SCGB3A2: variants seen among roughly 807,000 people sequenced by gnomAD.
The protein encoded by SCGB3A2 is secretoglobin family 3A member 2, also known as pneumo secretory protein 1.
Under a neutral mutation model 7.7 loss-of-function variants are expected in SCGB3A2, and 5 were observed. The ratio of observed to expected loss-of-function variants is 0.65; its 90% CI spans 0.34 to 1.36. SCGB3A2 has a LOEUF of 1.36. Ranked by LOEUF, SCGB3A2 falls within the 40% of genes most tolerant of loss-of-function variation. The pLI is 0.04. For missense variants in SCGB3A2, 109 were observed against 103.6 expected (o/e 1.05, Z -0.23); for synonymous variants, 44 against 42.7 (o/e 1.03, Z -0.12).
At chr5:147,879,512 C>T (rs17625286) in intron 1 of SCGB3A2, among the ~76,000 whole-genome samples, 10,048 of 152,236 alleles carry the variant, frequency 0.066, 638 homozygotes, top group Admixed American at 0.21. Context: ...CTACTGTAAA[C>T]GTACTGTGAG....
rs528234985 is a variant in SCGB3A2, at chr5:147,880,270, C to T, written c.56-1176C>T. Among the ~76,000 whole-genome samples the T allele has an allele frequency of 3.2e-3, 493 of 152,226 alleles. 3 individuals carry two copies. Among genetic ancestry groups the T allele is most frequent in the African/African-American group, 0.011 (450 of 41,522 alleles). Reference sequence around the variant, plus strand: ...CATTCATCTTCTACGGGAAAGTTATCTTCCTAAAGCCAAAGATATAAAACG... The same window carrying T: ...CATTCATCTTCTACGGGAAAGTTATTTTCCTAAAGCCAAAGATATAAAACG... On this transcript the variant is annotated intron_variant, in intron 1 of 2. Transcript: ENST00000296694.
rs1387066679 is a variant in SCGB3A2 at position 147,882,075 on chromosome 5, A to G, written c.*25A>G. The G allele has an allele frequency of 4.3e-6, 7 of 1,612,522 alleles. No individual in the cohort carries two copies. Among genetic ancestry groups the G allele is most frequent in the South Asian group, 3.3e-5 (3 of 91,026 alleles). On this transcript the variant is annotated 3_prime_UTR_variant, in exon 3 of 3. Transcript: ENST00000296694. ...ACATCAAGATAAAGAGCGGAGGTGG[A>G]TGGGGATGGAAGATGATGCTCCTAT... is the stretch of plus-strand genomic sequence containing the variant.
intron 1 of SCGB3A2, among the ~76,000 whole-genome samples, chr5:147,879,153 G>A (rs991851799): frequency 2.0e-5 from 3 of 152,134 alleles, no homozygotes; most frequent in Non-Finnish European, 2.9e-5. Flanking sequence ...CAACTTCCAC[G>A]GAGGGTCAAC....
At chr5:147,881,997 T>C in intron 2 of SCGB3A2, 30 bp from the exon 3 acceptor site, 1 of 1,612,392 alleles carries the variant, frequency 6.2e-7, no homozygotes, top group Non-Finnish European at 8.5e-7. Flanking sequence ...TGTAAGCTGC[T>C]CTAAATTTTG....
rs77923676 is a variant in SCGB3A2 at position 147,879,491 on chromosome 5, A to G, written c.55+633A>G. Among the ~76,000 whole-genome samples the G allele has an allele frequency of 1.9e-3, 289 of 152,324 alleles. 3 individuals carry two copies. The East Asian group carries it at 0.047, about 25-fold the overall frequency. ...AGATAGGGCTTCTGCCTAAGTTACT[A>G]TAATTCTAGACTACTGTAAACGTAC... On this transcript the variant is annotated intron_variant, in intron 1 of 2. Coordinates refer to ENST00000296694, the MANE Select transcript of SCGB3A2 (RefSeq NM_054023.5).
At chr5:147,881,940 C>A in intron 2 of SCGB3A2, 87 bp from the exon 3 acceptor site, 1 of 1,435,332 alleles carries the variant, frequency 7.0e-7, no homozygotes. Flanking sequence ...AAATAGTGGC[C>A]AAACAGGACA....
Position 147,881,599 on chromosome 5 carries a change from G to A in SCGB3A2, c.209G>A (p.Cys70Tyr), listed in dbSNP as rs757007939. The change falls in exon 2 of 3, where the codon TGT (cysteine) becomes TAT (tyrosine). Residue 70 changes from cysteine to tyrosine, a missense_variant. Transcript: ENST00000296694. ...CACCTTGTGGAGGGGCTAAGGAAGT[G>A]TGTAAATGAGCTGGGACCAGAGGCT... ...VEHLVEGLRK[C>Y]VNELGPEASE... 3.7e-6 allele frequency: 6 copies of A among 1,613,836 alleles called. No homozygotes were observed. In the Admixed American group the frequency reaches 5.0e-5, roughly 13 times the overall value.
At chr5:147,879,664 T>C (rs896425834) in intron 1 of SCGB3A2, among the ~76,000 whole-genome samples, 3 of 152,160 alleles carry the variant, frequency 2.0e-5, no homozygotes, top group South Asian at 4.1e-4. Context: ...AGGAAGACAG[T>C]GTGGGCACAT....
chr5:147,879,933 G>A lies in SCGB3A2; in HGVS notation c.55+1075G>A, dbSNP rs186475754. 3.2e-3 allele frequency among the ~76,000 whole-genome samples: 488 copies of A among 152,226 alleles called. 3 individuals carry two copies. The highest frequency in any genetic ancestry group is 0.011 in the African/African-American group (447 of 41,530). On this transcript the variant is annotated intron_variant, in intron 1 of 2. Transcript: ENST00000296694. ...TATTTCACTGTTCTCTAATGTCCAG[G>A]GACAGGTATCTATGGGCAAAGTGGC...
Position 147,881,447 on chromosome 5 carries a change from T to G in SCGB3A2, c.57T>G (p.Ala19=). The part of the protein sequence containing the change: ...LVTISLCSYS[A]TAFLINKVPL... Reference sequence around the variant, plus strand: ...ACCTGGTTTCTCTTTTTCCTGCAGCTACTGCCTTCCTCATCAACAAAGTGC... The same window carrying G: ...ACCTGGTTTCTCTTTTTCCTGCAGCGACTGCCTTCCTCATCAACAAAGTGC... The change falls in exon 2 of 3, where the codon GCT becomes GCG. Residue 19 remains alanine, a splice_region_variant and synonymous_variant. Coordinates refer to ENST00000296694, the MANE Select transcript of SCGB3A2 (RefSeq NM_054023.5). The G allele has an allele frequency of 6.2e-7, 1 of 1,613,762 alleles. No homozygotes were observed. The highest frequency in any genetic ancestry group is 8.5e-7 in the Non-Finnish European group (1 of 1,179,688).
chr5:147,881,891 G>T, intron 2 of SCGB3A2, 136 bp from the exon 3 acceptor site: 1 of 926,836 alleles, frequency 1.1e-6, no homozygotes. Context: ...GATTTTGGAT[G>T]AGACGTAATC....
In SCGB3A2 at chr5:147,881,360, G is replaced by A. The variant is rs1757345045; in HGVS notation, c.56-86G>A. On this transcript the variant is annotated intron_variant, in intron 1 of 2. Transcript: ENST00000296694. ...GTAAGATGAGTGGATCTGGAATGGA[G>A]CTATTGATGGACACAGGGAAAGAAG... is the stretch of plus-strand genomic sequence containing the variant. The A allele has an allele frequency of 3.0e-6, 3 of 1,015,028 alleles. No individual in the cohort carries two copies. The South Asian group carries it at 4.1e-5, about 14-fold the overall frequency. 62.9% of individuals were successfully genotyped at this position (1,015,028 alleles called of 1,614,324 possible).
At chr5:147,879,849 C>A (rs1757317797) in intron 1 of SCGB3A2, among the ~76,000 whole-genome samples, 1 of 152,176 alleles carries the variant, frequency 6.6e-6, no homozygotes, top group Non-Finnish European at 1.5e-5. Flanking sequence ...ACAATGGCAA[C>A]TTTGGCTTTT....
In SCGB3A2 at chr5:147,882,015, T is replaced by C. The variant is rs1278510348; in HGVS notation, c.259-12T>C. The stretch of plus-strand genomic sequence containing the variant: ...AAGCTGCTCTAAATTTTGTTGTCCT[T>C]CTACATTTCAGGAGGCGCTATCACA... On this transcript the variant is annotated splice_polypyrimidine_tract_variant and intron_variant, in intron 2 of 2. Coordinates refer to ENST00000296694, the MANE Select transcript of SCGB3A2 (RefSeq NM_054023.5). The C allele has an allele frequency of 3.1e-6, 5 of 1,613,374 alleles. No individual in the cohort carries two copies. The highest frequency in any genetic ancestry group is 4.2e-6 in the Non-Finnish European group (5 of 1,179,682).
At chr5:147,881,965 G>A (rs1032231674) in intron 2 of SCGB3A2, 62 bp from the exon 3 acceptor site, 24 of 1,572,878 alleles carry the variant, frequency 1.5e-5, no homozygotes, top group Admixed American at 1.3e-4. Flanking sequence ...AAGTGAATAT[G>A]TTTTGAAACA....
At position 147,881,554 on chromosome 5, in the gene SCGB3A2, C is replaced by A; in HGVS notation, c.164C>A (p.Thr55Asn). The A allele has an allele frequency of 6.2e-7, 1 of 1,614,036 alleles. No individual in the cohort carries two copies. The highest frequency in any genetic ancestry group is 8.5e-7 in the Non-Finnish European group (1 of 1,179,926). The change falls in exon 2 of 3, where the codon ACT becomes AAT. Residue 55 changes from threonine to asparagine, a missense_variant. Physicochemically the swap from Thr to Asn is moderately conservative, Grantham distance 65. Transcript: ENST00000296694. ...GATCCATTAAAGCTTCTTCTGAAAA[C>A]TCTGGGCATTTCTGTTGAGCACCTT... ...FMDPLKLLLK[T>N]LGISVEHLVE...
Position 147,881,583 on chromosome 5 carries a change from G to C in SCGB3A2, c.193G>C (p.Glu65Gln). The C allele has an allele frequency of 6.2e-7, 1 of 1,613,974 alleles. No individual in the cohort carries two copies. Among genetic ancestry groups the C allele is most frequent in the South Asian group, 1.1e-5 (1 of 91,076 alleles). ...TLGISVEHLV[E>Q]GLRKCVNELG... ...GGGCATTTCTGTTGAGCACCTTGTG[G>C]AGGGGCTAAGGAAGTGTGTAAATGA... is the stretch of plus-strand genomic sequence containing the variant. The change falls in exon 2 of 3, where the codon GAG (glutamate) becomes CAG (glutamine). Residue 65 changes from glutamate (E) to glutamine (Q), a missense_variant. Physicochemically the swap from Glu to Gln is conservative, Grantham distance 29 (BLOSUM62 2). Transcript: ENST00000296694.
intron 2 of SCGB3A2, 21 bp downstream of exon 2, chr5:147,881,669 T>G: frequency 6.2e-7 from 1 of 1,602,446 alleles, no homozygotes; most frequent in Non-Finnish European, 8.5e-7. Context: ...CTTGGGAGGC[T>G]AATCTGCCAA....
intron 1 of SCGB3A2, among the ~76,000 whole-genome samples, chr5:147,879,779 A>G (rs577161063): frequency 5.3e-5 from 8 of 152,324 alleles, no homozygotes; most frequent in Non-Finnish European, 1.0e-4. Flanking sequence ...ATATTTACCA[A>G]AATGTCTGAA....
Sources: allele counts gnomAD v4.1 joint callset (sites outside exome capture counted in the v4.1 genomes callset), GRCh38; gene constraint gnomAD v4.1.1; transcripts MANE v1.5; gene names NCBI Gene and HGNC (gene_info 2026-07-23, HGNC 2026-07-21).